Variants in LCE3E observed in about 807,000 individuals in gnomAD.
The protein encoded by LCE3E is late cornified envelope 3E.
For missense variants in LCE3E, 133 were observed against 120.0 expected (o/e 1.11, Z -0.51); for synonymous variants, 40 against 47.0 (o/e 0.85, Z 0.61).
chr1:152,566,018 C>A lies in LCE3E; in HGVS notation c.191G>T (p.Arg64Leu). Reference sequence around the variant, plus strand: ...GTCACAGGAGTTGGACCTCTGGCGCCGGCATCGGTGGTGGCGCCTGTGGTG... The same window carrying A: ...GTCACAGGAGTTGGACCTCTGGCGCAGGCATCGGTGGTGGCGCCTGTGGTG... ...LNHHRRHHRC[R>L]RQRSNSCDRG... Residue 64 changes from arginine (R) to leucine (L), a missense_variant, in exon 2 of 2, where the codon CGG becomes CTG. Arg to Leu is a moderately radical substitution (Grantham distance 102, BLOSUM62 -2). Transcript: ENST00000368789. The A allele has an allele frequency of 6.2e-7, 1 of 1,613,822 alleles. No homozygotes were observed. The highest frequency in any genetic ancestry group is 8.5e-7 in the Non-Finnish European group (1 of 1,180,050).
At chr1:152,566,544 G>A (rs2101771339) in intron 1 of LCE3E, among the ~76,000 whole-genome samples, 194 bp downstream of exon 1, 1 of 152,124 alleles carries the variant, frequency 6.6e-6, no homozygotes, top group South Asian at 2.1e-4. Flanking sequence ...TGAGCTCTGT[G>A]GCCTTTGCAG....
rs140473829 is a variant in LCE3E, at chr1:152,566,025, G to C, written c.184C>G (p.Arg62Gly). 60 of 1,613,706 alleles carry C rather than the reference G, an allele frequency of 3.7e-5. No homozygotes were observed. Among genetic ancestry groups the C allele is most frequent in the Non-Finnish European group, 4.7e-5 (56 of 1,180,036 alleles). The change falls in exon 2 of 2, where the codon CGA becomes GGA. Residue 62 changes from arginine to glycine, a missense_variant. By Grantham distance (125) the Arg-to-Gly change is moderately radical. Coordinates refer to ENST00000368789, the MANE Select transcript of LCE3E (RefSeq NM_178435.4). ...CFLNHHRRHH[R>G]CRRQRSNSCD... ...GAGTTGGACCTCTGGCGCCGGCATC[G>C]GTGGTGGCGCCTGTGGTGGTTCAGG...
rs1170645688 is a variant in LCE3E, at chr1:152,566,134, G to A, written c.75C>T (p.Asn25=). The change falls in exon 2 of 2, where the codon AAC becomes AAT. Residue 25 remains asparagine, a synonymous_variant. Coordinates refer to ENST00000368789, the MANE Select transcript of LCE3E (RefSeq NM_178435.4). The stretch of plus-strand genomic sequence containing the variant: ...AAGCTGGAGGCAGACACTGTACTGG[G>A]TTCTTTGGGGGACACTTGGGTGAGG... The part of the protein sequence containing the change: ...KCPSPKCPPK[N]PVQCLPPASS... 5 of 1,613,900 alleles carry A rather than the reference G, an allele frequency of 3.1e-6. No individual in the cohort carries two copies. Among genetic ancestry groups the A allele is most frequent in the Non-Finnish European group, 1.7e-6 (2 of 1,180,048 alleles).
rs777621256 is a variant in LCE3E, at chr1:152,566,176, T to A, written c.33A>T (p.Gln11His). 4.8e-5 allele frequency: 78 copies of A among 1,613,420 alleles called. No individual in the cohort carries two copies. The highest frequency in any genetic ancestry group is 6.4e-5 in the Non-Finnish European group (75 of 1,179,986). The part of the protein sequence containing the change: MSCQQNQKQC[Q>H]PPPKCPSPKC... Reference sequence around the variant, plus strand: ...TGGGTGAGGGGCACTTGGGTGGGGGTTGGCACTGCTTCTGGTTCTGCTGGC... The same window carrying A: ...TGGGTGAGGGGCACTTGGGTGGGGGATGGCACTGCTTCTGGTTCTGCTGGC... Residue 11 changes from glutamine to histidine, a missense_variant, in exon 2 of 2, where the codon CAA (glutamine) becomes CAT (histidine). Coordinates refer to ENST00000368789, the MANE Select transcript of LCE3E (RefSeq NM_178435.4).
At position 152,565,843 on chromosome 1, in the gene LCE3E, G is replaced by A; in HGVS notation, c.*87C>T. On this transcript the variant is annotated 3_prime_UTR_variant, in exon 2 of 2. Coordinates refer to ENST00000368789, the MANE Select transcript of LCE3E (RefSeq NM_178435.4). Reference sequence around the variant, plus strand: ...GTGAAAGTCAGAAGAGGGTATATGGGAAGGCATGCGTCAGATGGGGCTGTT... The same window carrying A: ...GTGAAAGTCAGAAGAGGGTATATGGAAAGGCATGCGTCAGATGGGGCTGTT... The A allele has an allele frequency of 1.3e-6, 2 of 1,542,940 alleles. No homozygotes were observed. The highest frequency in any genetic ancestry group is 2.5e-5 in the South Asian group (2 of 80,776).
Position 152,565,876 on chromosome 1 carries a change from T to C in LCE3E, c.*54A>G, listed in dbSNP as rs1247294287. 11 of 1,595,384 alleles carry C rather than the reference T, an allele frequency of 6.9e-6. No homozygotes were observed. The highest frequency in any genetic ancestry group is 8.5e-6 in the Non-Finnish European group (10 of 1,170,896). On this transcript the variant is annotated 3_prime_UTR_variant, in exon 2 of 2. Coordinates refer to ENST00000368789, the MANE Select transcript of LCE3E (RefSeq NM_178435.4). ...GCGTCAGATGGGGCTGTTCTTGGCC[T>C]CTTGGGATTCTTGTTTCCTCCAAAG...
Position 152,566,275 on chromosome 1 carries a change from C to G in LCE3E, c.-21-46G>C. The G allele has an allele frequency of 5.7e-6, 9 of 1,578,646 alleles. No individual in the cohort carries two copies. In the South Asian group the frequency reaches 1.1e-4, roughly 19 times the overall value. On this transcript the variant is annotated intron_variant, in intron 1 of 1. Transcript: ENST00000368789. ...TCTTAGTTCAAAATCTACAGTCCAACGTCTCTAAGACCAGCTGCCTCCTGA... is the reference window on the plus strand; with the variant it reads ...TCTTAGTTCAAAATCTACAGTCCAAGGTCTCTAAGACCAGCTGCCTCCTGA...
In LCE3E at chr1:152,565,944, C is replaced by T. The variant is rs1659912025; in HGVS notation, c.265G>A (p.Gly89Arg). The T allele has an allele frequency of 6.2e-7, 1 of 1,613,552 alleles. No homozygotes were observed. Among genetic ancestry groups the T allele is most frequent in the African/African-American group, 1.3e-5 (1 of 74,910 alleles). ...GGGSGCCHGS[G>R]GCC Reference sequence around the variant, plus strand: ...CAGGATCTGGATCAGCAGCAGCCCCCAGAACCGTGGCAGCAGCCAGAGCCC... The same window carrying T: ...CAGGATCTGGATCAGCAGCAGCCCCTAGAACCGTGGCAGCAGCCAGAGCCC... Residue 89 changes from glycine (G) to arginine (R), a missense_variant, in exon 2 of 2, where the codon GGG becomes AGG. Physicochemically the swap from Gly to Arg is moderately radical, Grantham distance 125. Coordinates refer to ENST00000368789, the MANE Select transcript of LCE3E (RefSeq NM_178435.4).
In LCE3E at chr1:152,566,041, G is replaced by A. The variant is rs1659915337; in HGVS notation, c.168C>T (p.His56=). Residue 56 remains histidine (H), a synonymous_variant, in exon 2 of 2, where the codon CAC becomes CAT. Transcript: ENST00000368789. ...GCCGGCATCGGTGGTGGCGCCTGTG[G>A]TGGTTCAGGAAGCAGCCGCCCTCGG... ...PSSEGGCFLN[H]HRRHHRCRRQ... The A allele has an allele frequency of 6.2e-7, 1 of 1,613,658 alleles. No individual in the cohort carries two copies. The highest frequency in any genetic ancestry group is 8.5e-7 in the Non-Finnish European group (1 of 1,180,036).
rs753871999 is a variant in LCE3E, at chr1:152,565,685, G to A, written c.*245C>T. The A allele has an allele frequency of 4.3e-4, 252 of 582,846 alleles. No individual in the cohort carries two copies. Among genetic ancestry groups the A allele is most frequent in the Middle Eastern group, 1.4e-3 (3 of 2,188 alleles). The allele number at this position is 582,846 out of a possible 1,614,324, so 36.1% of individuals were successfully genotyped here. A position where few individuals can be genotyped will look rare whatever the true frequency, so the allele number is the denominator to read the frequency against. ...GGACAAGGAACTTTATCTTTTTTAC[G>A]AGGTTGGGCACAAGCACTGCCAATC... On this transcript the variant is annotated 3_prime_UTR_variant, in exon 2 of 2. Coordinates refer to ENST00000368789, the MANE Select transcript of LCE3E (RefSeq NM_178435.4).
In LCE3E at chr1:152,566,016, G is replaced by C. The variant is rs533619446; in HGVS notation, c.193C>G (p.Arg65Gly). ...CTGTCACAGGAGTTGGACCTCTGGC[G>C]CCGGCATCGGTGGTGGCGCCTGTGG... ...NHHRRHHRCR[R>G]QRSNSCDRGS... The change falls in exon 2 of 2, where the codon CGC becomes GGC. Residue 65 changes from arginine (R) to glycine (G), a missense_variant. Physicochemically the swap from Arg to Gly is moderately radical, Grantham distance 125. Transcript: ENST00000368789. The C allele has an allele frequency of 6.2e-7, 1 of 1,613,788 alleles. No homozygotes were observed. The highest frequency in any genetic ancestry group is 8.5e-7 in the Non-Finnish European group (1 of 1,180,030).
chr1:152,566,305 A>G (rs1413222443), intron 1 of LCE3E, 76 bp from the exon 2 acceptor site: 4 of 1,440,670 alleles, frequency 2.8e-6, no homozygotes, highest in Non-Finnish European at 3.8e-6. Context: ...TCCTGAGGCA[A>G]GAGCTGCAAG....
intron 1 of LCE3E, among the ~76,000 whole-genome samples, chr1:152,566,437 C>A (rs1368865312): frequency 6.6e-6 from 1 of 151,950 alleles, no homozygotes; most frequent in Admixed American, 6.6e-5. Flanking sequence ...CTCCAAAGAA[C>A]CCCTAGGGAA....
In LCE3E at chr1:152,565,992, T is replaced by C. The variant is rs756162977; in HGVS notation, c.217A>G (p.Arg73Gly). ...CCCCCGCCTTGCTGACCACTGCCCC[T>C]GTCACAGGAGTTGGACCTCTGGCGC... ...CRRQRSNSCD[R>G]GSGQQGGGSG... The change falls in exon 2 of 2, where the codon AGG (arginine) becomes GGG (glycine). Residue 73 changes from arginine to glycine, a missense_variant. Coordinates refer to ENST00000368789, the MANE Select transcript of LCE3E (RefSeq NM_178435.4). 60 of 1,613,688 alleles carry C rather than the reference T, an allele frequency of 3.7e-5. No individual in the cohort carries two copies. Among genetic ancestry groups the C allele is most frequent in the Non-Finnish European group, 4.7e-5 (55 of 1,180,020 alleles).
rs190024578 is a variant in LCE3E, at chr1:152,565,675, T to C, written c.*255A>G. The C allele has an allele frequency of 3.1e-4, 174 of 570,294 alleles. 1 individual carries two copies. The highest frequency in any genetic ancestry group is 2.3e-3 in the Middle Eastern group (5 of 2,156). The allele number at this position is 570,294 out of a possible 1,614,324, so 35.3% of individuals were successfully genotyped here. A position where few individuals can be genotyped will look rare whatever the true frequency, so the allele number is the denominator to read the frequency against. On this transcript the variant is annotated 3_prime_UTR_variant, in exon 2 of 2. Coordinates refer to ENST00000368789, the MANE Select transcript of LCE3E (RefSeq NM_178435.4). ...GTGGTAATGAGGACAAGGAACTTTA[T>C]CTTTTTTACGAGGTTGGGCACAAGC... is the stretch of plus-strand genomic sequence containing the variant.
At position 152,566,142 on chromosome 1, in the gene LCE3E, G is replaced by C; in HGVS notation, c.67C>G (p.Pro23Ala). The change falls in exon 2 of 2, where the codon CCA (proline) becomes GCA (alanine). Residue 23 changes from proline (P) to alanine (A), a missense_variant. Transcript: ENST00000368789. The stretch of plus-strand genomic sequence containing the variant: ...GGCAGACACTGTACTGGGTTCTTTG[G>C]GGGACACTTGGGTGAGGGGCACTTG... ...PPKCPSPKCP[P>A]KNPVQCLPPA... 1 of 1,613,878 alleles carries C rather than the reference G, an allele frequency of 6.2e-7. No individual in the cohort carries two copies. The highest frequency in any genetic ancestry group is 8.5e-7 in the Non-Finnish European group (1 of 1,180,050).
chr1:152,566,579 G>T (rs1659928062), intron 1 of LCE3E, among the ~76,000 whole-genome samples, 159 bp downstream of exon 1: 2 of 151,994 alleles, frequency 1.3e-5, no homozygotes, highest in South Asian at 4.1e-4. Flanking sequence ...GTCAGTTCCT[G>T]CAGGGTCTCC....
Position 152,565,955 on chromosome 1 carries a change from C to T in LCE3E, c.254G>A (p.Cys85Tyr). ...TCAGCAGCAGCCCCCAGAACCGTGG[C>T]AGCAGCCAGAGCCCCCGCCTTGCTG... ...SGQQGGGSGC[C>Y]HGSGGCC Residue 85 changes from cysteine to tyrosine, a missense_variant, in exon 2 of 2, where the codon TGC (cysteine) becomes TAC (tyrosine). Coordinates refer to ENST00000368789, the MANE Select transcript of LCE3E (RefSeq NM_178435.4). 1 of 1,613,686 alleles carries T rather than the reference C, an allele frequency of 6.2e-7. No individual in the cohort carries two copies. Among genetic ancestry groups the T allele is most frequent in the Non-Finnish European group, 8.5e-7 (1 of 1,179,994 alleles).
intron 1 of LCE3E, 101 bp downstream of exon 1, chr1:152,566,637 G>T: frequency 5.0e-6 from 1 of 198,860 alleles, no homozygotes; most frequent in Non-Finnish European, 1.0e-5. Flanking sequence ...CCTGTATCTG[G>T]GTCTTTGTTT....
Sources: gnomAD v4.1 joint callset for allele counts (sites outside exome capture counted in the v4.1 genomes callset) on GRCh38, gnomAD v4.1.1 for gene constraint, MANE v1.5 for transcripts, NCBI Gene and HGNC (gene_info 2026-07-23, HGNC 2026-07-21) for gene names.